Variants in INVS observed in about 807,000 individuals in gnomAD.
The protein encoded by INVS is inversion of embryo turning homolog.
INVS carries 86 observed loss-of-function variants against 108.8 expected under a neutral mutation model. The observed-to-expected ratio is 0.79, with a 90% confidence interval of 0.66 to 0.95. The LOEUF (loss-of-function observed/expected upper bound fraction) is 0.95. INVS is among the 40% of genes least tolerant of loss of function. The probability of loss-of-function intolerance (pLI) is 0.00; values close to 1 mark genes in which losing one functional copy is unlikely to be tolerated. For missense variants in INVS, 1,169 were observed against 1,297.4 expected (o/e 0.90, Z 1.52); for synonymous variants, 455 against 473.5 (o/e 0.96, Z 0.51).
intron 13 of INVS, among the ~76,000 whole-genome samples, chr9:100,291,252 C>T (rs975462689): frequency 2.5e-4 from 38 of 152,022 alleles, no homozygotes; most frequent in African/African-American, 4.6e-4. Flanking sequence ...TTAGTAGAGA[C>T]GAGATTTCAC....
intron 2 of INVS, 22 bp from the exon 3 acceptor site, chr9:100,126,361 T>C: frequency 1.3e-6 from 2 of 1,582,416 alleles, no homozygotes; most frequent in Admixed American, 1.7e-5. Flanking sequence ...CAAATATCAC[T>C]ATCTGTTTCT....
At chr9:100,277,603 A>G (rs1192576315) in intron 12 of INVS, among the ~76,000 whole-genome samples, 1 of 152,084 alleles carries the variant, frequency 6.6e-6, no homozygotes, top group African/African-American at 2.4e-5. Context: ...TTTTTATCAC[A>G]TTCTCCAAAG....
At chr9:100,198,632 C>T (rs560817178) in intron 3 of INVS, among the ~76,000 whole-genome samples, 2 of 149,086 alleles carry the variant, frequency 1.3e-5, no homozygotes, top group African/African-American at 2.5e-5. Flanking sequence ...CTTGCTCTGT[C>T]GCCAGGCTGG....
intron 3 of INVS, among the ~76,000 whole-genome samples, chr9:100,187,385 G>A (rs1018424983): frequency 1.3e-5 from 2 of 151,978 alleles, no homozygotes; most frequent in African/African-American, 4.8e-5. Flanking sequence ...CTTATTCTGT[G>A]AAAAATGATG....
chr9:100,104,653 A>G lies in INVS; in HGVS notation c.106+26A>G, dbSNP rs757203599. The G allele has an allele frequency of 2.7e-6, 4 of 1,480,874 alleles. No homozygotes were observed. In the Admixed American group the frequency reaches 6.7e-5, roughly 25 times the overall value. 91.7% of individuals were successfully genotyped at this position (1,480,874 alleles called of 1,614,324 possible). ...GTAAGCAGTCCCCTTAAGTACAGAA[A>G]CTTTAAAAGCAACTGTTTGTCCTGA... On this transcript the variant is annotated intron_variant, in intron 2 of 16. Transcript: ENST00000262457.
At chr9:100,259,084 C>A (rs894560973) in intron 10 of INVS, among the ~76,000 whole-genome samples, 1 of 152,164 alleles carries the variant, frequency 6.6e-6, no homozygotes, top group Non-Finnish European at 1.5e-5. Context: ...GCTTCCTGGC[C>A]GGCCGCTTTG....
chr9:100,213,395 A>G (rs1205216114), intron 3 of INVS, among the ~76,000 whole-genome samples: 1 of 151,936 alleles, frequency 6.6e-6, no homozygotes, highest in African/African-American at 2.4e-5. Flanking sequence ...AATTAGAGAA[A>G]GGGTCTCACT....
At chr9:100,121,178 T>C (rs973030799) in intron 2 of INVS, among the ~76,000 whole-genome samples, 7 of 152,200 alleles carry the variant, frequency 4.6e-5, no homozygotes, top group African/African-American at 1.7e-4. Flanking sequence ...AGACACTCTT[T>C]TGAAAGACTC....
At chr9:100,273,704 A>G (rs1380116759) in intron 12 of INVS, among the ~76,000 whole-genome samples, 1 of 150,888 alleles carries the variant, frequency 6.6e-6, no homozygotes, top group Admixed American at 6.6e-5. Context: ...CACCCGGGTA[A>G]TTTTTGTATT....
rs1440036952 is a variant in INVS, at chr9:100,301,973, A to G, written c.*1299A>G. ...GCTCCTATGAAATGCACAATGCACAACCGCCTATGACCATGTATCGTGTGC... is the reference window on the plus strand; with the variant it reads ...GCTCCTATGAAATGCACAATGCACAGCCGCCTATGACCATGTATCGTGTGC... On this transcript the variant is annotated 3_prime_UTR_variant, in exon 17 of 17. Transcript: ENST00000262457. 2.5e-6 allele frequency: 1 copy of G among 396,730 alleles called. No homozygotes were observed. The highest frequency in any genetic ancestry group is 4.5e-6 in the Non-Finnish European group (1 of 222,444). The allele number at this position is 396,730 out of a possible 1,614,324, so 24.6% of individuals were successfully genotyped here.
At chr9:100,185,934 C>A (rs1830043934) in intron 3 of INVS, among the ~76,000 whole-genome samples, 1 of 152,090 alleles carries the variant, frequency 6.6e-6, no homozygotes, top group African/African-American at 2.4e-5. Context: ...ACATTTTCTT[C>A]ATCTGCTCAT....
At chr9:100,237,530 C>T (rs142855738) in intron 5 of INVS, among the ~76,000 whole-genome samples, 13 of 152,156 alleles carry the variant, frequency 8.5e-5, no homozygotes, top group Non-Finnish European at 1.8e-4. Flanking sequence ...TTCTAAAAAC[C>T]GTGAAAAAAG....
At chr9:100,200,285 ATATCT>A (rs1830498516) in intron 3 of INVS, among the ~76,000 whole-genome samples, 1 of 152,072 alleles carries the variant, frequency 6.6e-6, no homozygotes, top group Non-Finnish European at 1.5e-5. Flanking sequence ...TTATCTTAAG[ATATCT>A]TTATTTTGGT....
At chr9:100,294,340 A>T (rs1003909851) in intron 14 of INVS, among the ~76,000 whole-genome samples, 1 of 152,194 alleles carries the variant, frequency 6.6e-6, no homozygotes, top group African/African-American at 2.4e-5. Context: ...AGAAAACTAG[A>T]TAGATTCCCA....
intron 8 of INVS, among the ~76,000 whole-genome samples, chr9:100,249,970 T>C (rs1034390453): frequency 5.3e-5 from 8 of 151,832 alleles, no homozygotes; most frequent in African/African-American, 1.9e-4. Context: ...CTGGGTGTGG[T>C]GGTACACGCC....
At chr9:100,232,491 AC>A (rs1466365952) in intron 5 of INVS, among the ~76,000 whole-genome samples, 1 of 152,168 alleles carries the variant, frequency 6.6e-6, no homozygotes, top group Non-Finnish European at 1.5e-5. Flanking sequence ...TTTAGGTCTT[AC>A]GTTTAAGTCT....
At chr9:100,129,036 T>C (rs1175628319) in intron 3 of INVS, among the ~76,000 whole-genome samples, 2 of 148,064 alleles carry the variant, frequency 1.4e-5, no homozygotes, top group African/African-American at 5.0e-5. Context: ...CAAAAAAAAA[T>C]TAGCTGGGTG....
intron 10 of INVS, among the ~76,000 whole-genome samples, chr9:100,264,388 C>T (rs902392685): frequency 6.6e-5 from 10 of 152,068 alleles, no homozygotes; most frequent in African/African-American, 1.9e-4. Flanking sequence ...GAGGCTGAGG[C>T]GGGTGGATCA....
intron 3 of INVS, chr9:100,129,860 G>A (rs1026004619): frequency 6.5e-6 from 3 of 463,698 alleles, no homozygotes; most frequent in Non-Finnish European, 1.2e-5. Context: ...AACTGAGGCA[G>A]AGTTTGGAGA....
Sources: gnomAD v4.1 joint callset for allele counts (sites outside exome capture counted in the v4.1 genomes callset) on GRCh38, gnomAD v4.1.1 for gene constraint, MANE v1.5 for transcripts, NCBI Gene and HGNC (gene_info 2026-07-23, HGNC 2026-07-21) for gene names.